SFMBT2: variants seen among roughly 807,000 people sequenced by gnomAD.
SFMBT2 encodes the protein scm-like with four MBT domains protein 2.
A neutral mutation model predicts 110.1 loss-of-function variants in SFMBT2; 38 were observed. The ratio of observed to expected loss-of-function variants is 0.35; its 90% confidence interval spans 0.27 to 0.45. The LOEUF (loss-of-function observed/expected upper bound fraction) is 0.45. Among genes scored for constraint, SFMBT2 ranks in the 20% least tolerant of loss-of-function variants. SFMBT2 has a pLI of 1.00. For synonymous variants in SFMBT2, 425 were observed against 425.4 expected (o/e 1.00, Z 0.01); for missense variants, 1,011 against 1,094.9 (o/e 0.92, Z 1.08).
At chr10:7,211,899 A>G (rs1839362159) in intron 11 of SFMBT2, among the ~76,000 whole-genome samples, 1 of 152,136 alleles carries the variant, frequency 6.6e-6, no homozygotes, top group Non-Finnish European at 1.5e-5. Flanking sequence ...GTGGGCTCAG[A>G]CGGGCTTCTC....
chr10:7,243,079 C>T (rs751500090), intron 9 of SFMBT2, among the ~76,000 whole-genome samples: 71 of 152,186 alleles, frequency 4.7e-4, no homozygotes, highest in Non-Finnish European at 9.1e-4. Flanking sequence ...TATTTTAATG[C>T]ATCCTGGCTC....
chr10:7,218,649 G>A (rs7085237), intron 11 of SFMBT2, among the ~76,000 whole-genome samples: 2,240 of 152,222 alleles, frequency 0.015, 27 homozygotes, highest in African/African-American at 0.047. Flanking sequence ...GAAAAAGATC[G>A]GACATGAGCT....
At chr10:7,184,570 A>C (rs1277100914) in intron 16 of SFMBT2, among the ~76,000 whole-genome samples, 3 of 152,180 alleles carry the variant, frequency 2.0e-5, no homozygotes, top group African/African-American at 7.2e-5. Context: ...AAAGTTGAGA[A>C]GAATCTAAAT....
chr10:7,229,515 T>G (rs1305408224), intron 9 of SFMBT2, among the ~76,000 whole-genome samples: 2 of 149,172 alleles, frequency 1.3e-5, no homozygotes, highest in Non-Finnish European at 3.0e-5. Flanking sequence ...GAGGCAGAGG[T>G]TGCAGTGAGG....
At chr10:7,296,726 C>G (rs11815457) in intron 4 of SFMBT2, among the ~76,000 whole-genome samples, 1 of 152,192 alleles carries the variant, frequency 6.6e-6, no homozygotes, top group African/African-American at 2.4e-5. Context: ...GAATGCGACT[C>G]CGGATTTTTC....
At position 7,386,977 on chromosome 10, in the gene SFMBT2, C is replaced by T. The variant is rs7097814; in HGVS notation, c.-51-5028G>A. Among the ~76,000 whole-genome samples the T allele has an allele frequency of 3.9e-5, 6 of 152,146 alleles. No individual in the cohort carries two copies. In the South Asian group the frequency reaches 6.2e-4, roughly 16 times the overall value. On this transcript the variant is annotated intron_variant, in intron 1 of 20. Coordinates refer to ENST00000397167, the MANE Select transcript of SFMBT2 (RefSeq NM_001387889.1). Reference sequence around the variant, plus strand: ...CCCACACAACTGGCTCCAGAAACCACGCCCTAACCAGTCAATTACAGTTCC... The same window carrying T: ...CCCACACAACTGGCTCCAGAAACCATGCCCTAACCAGTCAATTACAGTTCC...
At chr10:7,365,580 G>T (rs1844868751) in intron 4 of SFMBT2, among the ~76,000 whole-genome samples, 1 of 152,166 alleles carries the variant, frequency 6.6e-6, no homozygotes, top group Admixed American at 6.5e-5. Context: ...GCCTCTAAAT[G>T]TCCACCCACT....
intron 9 of SFMBT2, among the ~76,000 whole-genome samples, chr10:7,236,945 A>G (rs1169057686): frequency 6.6e-6 from 1 of 152,240 alleles, no homozygotes; most frequent in Non-Finnish European, 1.5e-5. Context: ...GAAGAAAACC[A>G]CAGATGGCCA....
At chr10:7,336,776 G>A (rs189952071) in intron 4 of SFMBT2, among the ~76,000 whole-genome samples, 64 of 152,218 alleles carry the variant, frequency 4.2e-4, no homozygotes, top group South Asian at 1.2e-3. Flanking sequence ...TTATGAGAAG[G>A]TTAACAGGGA....
intron 10 of SFMBT2, among the ~76,000 whole-genome samples, chr10:7,225,100 C>T (rs1251153956): frequency 1.3e-5 from 2 of 152,176 alleles, no homozygotes; most frequent in African/African-American, 2.4e-5. Flanking sequence ...ATGTATTGAG[C>T]TTCCTTCTGA....
intron 4 of SFMBT2, among the ~76,000 whole-genome samples, chr10:7,317,651 A>AAAAC (rs975370430): frequency 1.3e-5 from 2 of 151,524 alleles, no homozygotes; most frequent in African/African-American, 4.8e-5. Context: ...CAAAAAAAAA[A>AAAAC]AAAAAAAGTA....
intron 4 of SFMBT2, among the ~76,000 whole-genome samples, chr10:7,335,003 C>T (rs1328592660): frequency 6.6e-6 from 1 of 152,122 alleles, no homozygotes; most frequent in Non-Finnish European, 1.5e-5. Context: ...CACCAGGATG[C>T]TTTAATGTTC....
chr10:7,328,016 A>G (rs911527181), intron 4 of SFMBT2, among the ~76,000 whole-genome samples: 1 of 152,184 alleles, frequency 6.6e-6, no homozygotes, highest in Non-Finnish European at 1.5e-5. Context: ...TGGTGGGTGT[A>G]TGTTTAAAGT....
intron 1 of SFMBT2, among the ~76,000 whole-genome samples, chr10:7,400,874 T>C (rs1410622482): frequency 1.3e-5 from 2 of 152,224 alleles, no homozygotes; most frequent in African/African-American, 2.4e-5. Flanking sequence ...GGTTCGCGCC[T>C]GTAATCCCAG....
At chr10:7,342,759 A>G (rs1014160743) in intron 4 of SFMBT2, among the ~76,000 whole-genome samples, 2 of 152,204 alleles carry the variant, frequency 1.3e-5, no homozygotes, top group Non-Finnish European at 2.9e-5. Flanking sequence ...TAAAAAATAT[A>G]ATCACTCGTG....
At chr10:7,195,522 T>C (rs1348866273) in intron 15 of SFMBT2, among the ~76,000 whole-genome samples, 1 of 152,218 alleles carries the variant, frequency 6.6e-6, no homozygotes, top group African/African-American at 2.4e-5. Context: ...TAAATGAAGA[T>C]GTGTATGAAG....
chr10:7,241,343 A>G (rs757521877), intron 9 of SFMBT2: 25 of 982,100 alleles, frequency 2.5e-5, no homozygotes, highest in Non-Finnish European at 3.0e-5. Context: ...TTAATGGTTT[A>G]AAAAGAGTTA....
At chr10:7,281,898 T>G (rs1460851751) in intron 6 of SFMBT2, among the ~76,000 whole-genome samples, 2 of 152,142 alleles carry the variant, frequency 1.3e-5, no homozygotes, top group Non-Finnish European at 2.9e-5. Flanking sequence ...CAGGCTGGAG[T>G]GCAGCAGAGC....
At chr10:7,350,316 G>A (rs570354058) in intron 4 of SFMBT2, among the ~76,000 whole-genome samples, 4 of 152,156 alleles carry the variant, frequency 2.6e-5, no homozygotes, top group African/African-American at 4.8e-5. Context: ...TTGTCCATCC[G>A]GAGGCACCAT....
Sources: gnomAD v4.1 joint callset for allele counts (sites outside exome capture counted in the v4.1 genomes callset) on GRCh38, gnomAD v4.1.1 for gene constraint, MANE v1.5 for transcripts, NCBI Gene and HGNC (gene_info 2026-07-23, HGNC 2026-07-21) for gene names.